Variants in RNF38 observed in about 807,000 individuals in gnomAD.
The protein encoded by RNF38 is ring finger protein 38, also known as E3 ubiquitin-protein ligase RNF38.
Under a neutral mutation model 67.2 loss-of-function variants are expected in RNF38, and 15 were observed. The ratio of observed to expected loss-of-function variants is 0.22; its 90% CI spans 0.15 to 0.34. The LOEUF is 0.34. RNF38 is among the 10% of genes least tolerant of loss of function. The pLI, the probability that RNF38 is intolerant of heterozygous loss-of-function variation, is 1.00. For missense variants in RNF38, 524 were observed against 639.9 expected (o/e 0.82, Z 1.95); for synonymous variants, 220 against 218.8 (o/e 1.01, Z -0.05).
At chr9:36,452,036 G>C (rs1839464666) in intron 1 of RNF38, among the ~76,000 whole-genome samples, 1 of 151,986 alleles carries the variant, frequency 6.6e-6, no homozygotes, top group Admixed American at 6.6e-5. Context: ...GGGCCACATA[G>C]TGAGATCCCA....
At chr9:36,351,370 T>C (rs910045417) in intron 8 of RNF38, among the ~76,000 whole-genome samples, 171 bp from the exon 9 acceptor site, 1 of 152,172 alleles carries the variant, frequency 6.6e-6, no homozygotes, top group Non-Finnish European at 1.5e-5. Context: ...AATAGATTGC[T>C]AGGATAACTT....
intron 5 of RNF38, among the ~76,000 whole-genome samples, chr9:36,357,076 G>C (rs1310509232): frequency 6.6e-6 from 1 of 152,168 alleles, no homozygotes; most frequent in African/African-American, 2.4e-5. Context: ...AAATTTTGCT[G>C]TGATTTCCTT....
chr9:36,401,244 A>C, upstream of RNF38: 1 of 977,448 alleles, frequency 1.0e-6, no homozygotes, highest in Non-Finnish European at 1.2e-6. Context: ...CCGGCGCACG[A>C]CTCGGACCAG....
chr9:36,450,396 C>T (rs79099437), intron 1 of RNF38, among the ~76,000 whole-genome samples: 7,769 of 152,174 alleles, frequency 0.051, 597 homozygotes, highest in African/African-American at 0.17. Context: ...AGTACTTTCT[C>T]CCAAGAATTA....
chr9:36,437,525 A>C (rs1839097594), intron 1 of RNF38, among the ~76,000 whole-genome samples: 1 of 152,096 alleles, frequency 6.6e-6, no homozygotes, highest in Non-Finnish European at 1.5e-5. Flanking sequence ...GAAAAGTCAG[A>C]TCAGACAAAT....
intron 1 of RNF38, among the ~76,000 whole-genome samples, chr9:36,433,809 CAAG>C (rs1426429884): frequency 6.6e-6 from 1 of 151,390 alleles, no homozygotes; most frequent in Non-Finnish European, 1.5e-5. Flanking sequence ...CAATAAAAAG[CAAG>C]AAGTTTGATA....
intron 1 of RNF38, among the ~76,000 whole-genome samples, chr9:36,460,137 T>TA (rs1274239431): frequency 1.3e-5 from 2 of 152,208 alleles, no homozygotes; most frequent in Non-Finnish European, 1.5e-5. Flanking sequence ...TCTTGTGGTT[T>TA]CTTAAGCTTA....
chr9:36,365,468 T>TGA (rs1834868998), intron 4 of RNF38, among the ~76,000 whole-genome samples: 1 of 151,830 alleles, frequency 6.6e-6, no homozygotes, highest in Non-Finnish European at 1.5e-5. Context: ...CTCAGGAGGC[T>TGA]GAGGCAGGAG....
intron 1 of RNF38, among the ~76,000 whole-genome samples, chr9:36,429,002 C>T (rs975938823): frequency 6.6e-6 from 1 of 152,178 alleles, no homozygotes; most frequent in African/African-American, 2.4e-5. Flanking sequence ...ATCAAGCCCT[C>T]GCTACATGTC....
At chr9:36,387,689 T>A (rs1836751239) in intron 2 of RNF38, among the ~76,000 whole-genome samples, 1 of 152,186 alleles carries the variant, frequency 6.6e-6, no homozygotes, top group African/African-American at 2.4e-5. Context: ...TGAAGCACTT[T>A]AAGATTCTAA....
intron 1 of RNF38, among the ~76,000 whole-genome samples, chr9:36,432,586 A>G (rs1838956893): frequency 6.6e-6 from 1 of 151,920 alleles, no homozygotes; most frequent in African/African-American, 2.4e-5. Context: ...CAAGGTCAAG[A>G]GATTGAGACC....
intron 1 of RNF38, among the ~76,000 whole-genome samples, chr9:36,444,449 C>T (rs911059502): frequency 2.0e-5 from 3 of 152,042 alleles, no homozygotes; most frequent in African/African-American, 7.2e-5. Context: ...TGCACTTGTA[C>T]CCTGGAACTT....
chr9:36,373,576 GTATT>G (rs1192845777), intron 3 of RNF38, among the ~76,000 whole-genome samples: 1 of 143,032 alleles, frequency 7.0e-6, no homozygotes, highest in African/African-American at 2.6e-5. Flanking sequence ...GTGGGTGTAT[GTATT>G]TGTTAGCCCT....
intron 6 of RNF38, 150 bp downstream of exon 6, chr9:36,356,153 C>G (rs980061737): frequency 1.3e-6 from 1 of 763,974 alleles, no homozygotes. Context: ...GGCCAAGTTA[C>G]TATGTTTAAG....
At chr9:36,442,641 G>A (rs1417446588) in intron 1 of RNF38, among the ~76,000 whole-genome samples, 2 of 152,150 alleles carry the variant, frequency 1.3e-5, no homozygotes, top group African/African-American at 4.8e-5. Context: ...TTAGCCGGGT[G>A]TGGTGGCACG....
At chr9:36,438,322 CCG>C in intron 1 of RNF38, among the ~76,000 whole-genome samples, 1 of 152,052 alleles carries the variant, frequency 6.6e-6, no homozygotes, top group East Asian at 1.9e-4. Context: ...CTTGTCCAAC[CCG>C]TGACCCATGG....
Position 36,400,079 on chromosome 9 carries a change from CAAAG to C in RNF38, c.12+14_12+17del. The C allele has an allele frequency of 6.2e-7, 1 of 1,609,566 alleles. No individual in the cohort carries two copies. Among genetic ancestry groups the C allele is most frequent in the Non-Finnish European group, 8.5e-7 (1 of 1,177,430 alleles). On this transcript the variant is annotated intron_variant, in intron 1 of 11. Coordinates refer to ENST00000259605, the MANE Select transcript of RNF38 (RefSeq NM_022781.5). ...AATAGCATATATCATTTTTGCAACA[CAAAG>C]AAAAATACTTTACCTTACAAGCCAT...
upstream of RNF38, among the ~76,000 whole-genome samples, chr9:36,402,489 A>G (rs1838073443): frequency 9.2e-6 from 1 of 108,802 alleles, no homozygotes; most frequent in Non-Finnish European, 2.1e-5. Flanking sequence ...ACCAGAATCT[A>G]AGCTTAAAAA....
intron 2 of RNF38, among the ~76,000 whole-genome samples, chr9:36,414,058 C>T (rs1054545308): frequency 2.6e-5 from 4 of 152,130 alleles, no homozygotes; most frequent in Admixed American, 6.6e-5. Flanking sequence ...CTCCGGATAG[C>T]GACTCCTGTT....
Sources: allele counts gnomAD v4.1 joint callset (sites outside exome capture counted in the v4.1 genomes callset), GRCh38; gene constraint gnomAD v4.1.1; transcripts MANE v1.5; gene names NCBI Gene and HGNC (gene_info 2026-07-23, HGNC 2026-07-21).